Variants in RASA2 observed in about 807,000 individuals in gnomAD.
RASA2 encodes ras GTPase-activating protein 2.
In RASA2, 155 loss-of-function variants were observed where a neutral mutation model predicts 118.2. That is an observed-to-expected ratio of 1.31 (90% confidence interval 1.15 to 1.50). The LOEUF is 1.50. Among genes scored for constraint, RASA2 ranks in the 40% most tolerant of loss-of-function variants. The probability of loss-of-function intolerance (pLI) is 0.00; values close to 1 mark genes in which losing one functional copy is unlikely to be tolerated. For missense variants in RASA2, 1,016 were observed against 1,009.6 expected (o/e 1.01, Z -0.09); for synonymous variants, 353 against 349.1 (o/e 1.01, Z -0.12).
intron 1 of RASA2, among the ~76,000 whole-genome samples, chr3:141,487,714 G>A (rs947274636): frequency 6.6e-6 from 1 of 152,124 alleles, no homozygotes; most frequent in African/African-American, 2.4e-5. Context: ...CGAGGGGAGG[G>A]GGCTGTTCGT....
intron 4 of RASA2, among the ~76,000 whole-genome samples, chr3:141,535,721 G>A (rs1176327719): frequency 6.6e-6 from 1 of 152,132 alleles, no homozygotes; most frequent in Non-Finnish European, 1.5e-5. Flanking sequence ...GAGACAGAAG[G>A]CAGAAGTCCC....
chr3:141,556,262 G>A (rs1239249340), intron 7 of RASA2, among the ~76,000 whole-genome samples: 3 of 152,174 alleles, frequency 2.0e-5, no homozygotes, highest in African/African-American at 4.8e-5. Flanking sequence ...ACAGTCACTA[G>A]TGAAGTAAGT....
intron 19 of RASA2, among the ~76,000 whole-genome samples, chr3:141,590,689 G>GA (rs2083274451): frequency 6.6e-6 from 1 of 152,194 alleles, no homozygotes; most frequent in South Asian, 2.1e-4. Context: ...GTGTCTGAAA[G>GA]AATACCTCCC....
At chr3:141,556,410 A>AC (rs958937826) in intron 7 of RASA2, among the ~76,000 whole-genome samples, 4 of 152,194 alleles carry the variant, frequency 2.6e-5, no homozygotes, top group Non-Finnish European at 5.9e-5. Flanking sequence ...TTTTTGTAAG[A>AC]CCCAAAGCAT....
chr3:141,498,489 A>T (rs1291829707), intron 1 of RASA2, among the ~76,000 whole-genome samples: 1 of 151,932 alleles, frequency 6.6e-6, no homozygotes, highest in Non-Finnish European at 1.5e-5. Context: ...GGGGTTCATG[A>T]ATGTAATTAT....
chr3:141,592,681 T>C (rs1194535459), intron 19 of RASA2, among the ~76,000 whole-genome samples: 1 of 152,128 alleles, frequency 6.6e-6, no homozygotes, highest in Non-Finnish European at 1.5e-5. Context: ...ATGGATCACA[T>C]TCTGAATCTA....
chr3:141,531,486 A>G (rs998897535), intron 4 of RASA2, among the ~76,000 whole-genome samples: 2 of 151,536 alleles, frequency 1.3e-5, no homozygotes, highest in Non-Finnish European at 3.0e-5. Flanking sequence ...ATATATATGT[A>G]TATATATACA....
At chr3:141,559,777 C>A in intron 8 of RASA2, 117 bp from the exon 9 acceptor site, 1 of 805,404 alleles carries the variant, frequency 1.2e-6, no homozygotes, top group Non-Finnish European at 2.0e-6. Flanking sequence ...TTGCTAACAT[C>A]TTTTAAGCAT....
rs1209142920 is a variant in RASA2 at position 141,559,904 on chromosome 3, T to C, written c.772T>C (p.Trp258Arg). 37 of 1,613,058 alleles carry C rather than the reference T, an allele frequency of 2.3e-5. No individual in the cohort carries two copies. Among genetic ancestry groups the C allele is most frequent in the Non-Finnish European group, 3.1e-5 (37 of 1,179,262 alleles). The change falls in exon 9 of 24, where the codon TGG becomes CGG. Residue 258 changes from tryptophan to arginine, a missense_variant. By Grantham distance (101) the Trp-to-Arg change is moderately radical. Around this residue, in one of 2 missense-constraint regions of RASA2, gnomAD observed 896 missense variants for 836.4 expected, o/e 1.07. Coordinates refer to ENST00000286364, the MANE Select transcript of RASA2 (RefSeq NM_006506.5). ...IEKLEIRIDL[W>R]NNGNLVQDVF... ...GTTTTCAATTTTCAGGATCGACTTG[T>C]GGAACAATGGAAACCTAGTCCAAGA...
At chr3:141,580,085 A>AATATATATATATATATATATATAT (rs1207351331) in intron 15 of RASA2, among the ~76,000 whole-genome samples, 1 of 59,618 alleles carries the variant, frequency 1.7e-5, no homozygotes, top group East Asian at 7.9e-4. Context: ...AAAAAAAAAA[A>AATATATATATATATATATATATAT]ATATATATAT....
At position 141,609,912 on chromosome 3, in the gene RASA2, C is replaced by T. The variant is rs760281563; in HGVS notation, c.2365C>T (p.Gln789Ter). 6.2e-7 allele frequency: 1 copy of T among 1,601,052 alleles called. No homozygotes were observed. Among genetic ancestry groups the T allele is most frequent in the Non-Finnish European group, 8.5e-7 (1 of 1,174,874 alleles). Residue 789 changes from glutamine (Q) to a stop codon, truncating the protein, a stop_gained, in exon 23 of 24, where the codon CAG becomes TAG. Transcript: ENST00000286364. LOFTEE classifies it high-confidence loss of function. ...CGTIAVYQGP[Q>*]KEPDDYSNFV... ...AACTATTGCAGTCTATCAAGGACCA[C>T]AGAAAGAGCCTGATGATTATTCTAA...
chr3:141,554,662 C>T (rs187024695), intron 6 of RASA2, among the ~76,000 whole-genome samples: 44 of 152,228 alleles, frequency 2.9e-4, no homozygotes, highest in Non-Finnish European at 5.7e-4. Context: ...ACCCCTTTTC[C>T]CCATCCCCAG....
chr3:141,516,771 T>C (rs2082033383), intron 3 of RASA2, among the ~76,000 whole-genome samples: 1 of 151,822 alleles, frequency 6.6e-6, no homozygotes, highest in Non-Finnish European at 1.5e-5. Flanking sequence ...GGGCAGGGAC[T>C]CTTTTTTTGT....
intron 9 of RASA2, among the ~76,000 whole-genome samples, chr3:141,564,872 A>G (rs1442169490): frequency 6.6e-6 from 1 of 152,206 alleles, no homozygotes; most frequent in African/African-American, 2.4e-5. Flanking sequence ...TCACTTAACA[A>G]TCCAGGTACT....
intron 1 of RASA2, among the ~76,000 whole-genome samples, chr3:141,504,433 A>G (rs1265681634): frequency 6.6e-6 from 1 of 152,118 alleles, no homozygotes; most frequent in East Asian, 1.9e-4. Flanking sequence ...TGTCTCTAGA[A>G]ATAGCATCTC....
At chr3:141,542,429 A>G (rs2082418556) in intron 5 of RASA2, among the ~76,000 whole-genome samples, 1 of 152,156 alleles carries the variant, frequency 6.6e-6, no homozygotes, top group African/African-American at 2.4e-5. Flanking sequence ...GCAGATGACA[A>G]AACTGATGCC....
At chr3:141,587,674 A>C (rs1034246453) in intron 19 of RASA2, among the ~76,000 whole-genome samples, 6 of 147,712 alleles carry the variant, frequency 4.1e-5, no homozygotes, top group African/African-American at 1.5e-4. Flanking sequence ...AGATCTTGCC[A>C]CTGCACTGTA....
chr3:141,571,046 T>G lies in RASA2; in HGVS notation c.998T>G (p.Leu333Arg). 6.2e-7 allele frequency: 1 copy of G among 1,602,444 alleles called. No individual in the cohort carries two copies. Among genetic ancestry groups the G allele is most frequent in the Non-Finnish European group, 8.5e-7 (1 of 1,176,988 alleles). ...TACTATGGTCCTTTGAAAACTTTGC[T>G]GCTAAAATCACCAGATGTTCAAGTA... Reference protein sequence around the residue: ...SEYYGPLKTLLLKSPDVQPIS... With the variant: ...SEYYGPLKTLRLKSPDVQPIS... The change falls in exon 10 of 24, where the codon CTG becomes CGG. Residue 333 changes from leucine (L) to arginine (R), a missense_variant. By Grantham distance (102) the Leu-to-Arg change is moderately radical. This residue lies in a region of RASA2 where 896 missense variants were observed against 836.4 expected (regional missense o/e 1.07). Coordinates refer to ENST00000286364, the MANE Select transcript of RASA2 (RefSeq NM_006506.5).
At chr3:141,487,633 G>C (rs1458129164) in intron 1 of RASA2, among the ~76,000 whole-genome samples, 1 of 152,120 alleles carries the variant, frequency 6.6e-6, no homozygotes, top group African/African-American at 2.4e-5. Context: ...GTGGCCCCGC[G>C]GTGGGAGCCG....
Sources: gnomAD v4.1 joint callset for allele counts (sites outside exome capture counted in the v4.1 genomes callset) on GRCh38, gnomAD v4.1.1 for gene constraint, gnomAD v4.1.1 regional missense constraint, MANE v1.5 for transcripts, NCBI Gene and HGNC (gene_info 2026-07-23, HGNC 2026-07-21) for gene names.